INSIG1: variants seen among roughly 807,000 people sequenced by gnomAD.
INSIG1 encodes insulin induced gene 1.
INSIG1 carries 14 observed loss-of-function variants against 26.5 expected under a neutral mutation model. The observed-to-expected ratio is 0.53, with a 90% CI of 0.35 to 0.83. The LOEUF (loss-of-function observed/expected upper bound fraction) is 0.83. Among genes scored for constraint, INSIG1 ranks in the 40% least tolerant of loss-of-function variants. The pLI is 0.01. For synonymous variants in INSIG1, 147 were observed against 153.3 expected, an observed-to-expected ratio of 0.96 and a Z score of 0.30; for missense variants, 272 against 368.9, an observed-to-expected ratio of 0.74 and a Z score of 2.15.
chr7:155,298,246 C>T lies in INSIG1; in HGVS notation c.-27-13C>T. 1.4e-6 allele frequency: 2 copies of T among 1,445,430 alleles called. No individual in the cohort carries two copies. The highest frequency in any genetic ancestry group is 1.8e-6 in the Non-Finnish European group (2 of 1,101,712). The allele number at this position is 1,445,430 out of a possible 1,614,324, so 89.5% of individuals were successfully genotyped here. A position where few individuals can be genotyped will look rare whatever the true frequency, so the allele number is the denominator to read the frequency against. The stretch of plus-strand genomic sequence containing the variant: ...GTCTCTTCTGAGTGAACTTGATGAC[C>T]CCCTTCTTCCAGGAAGCGCCTCTTG... On this transcript the variant is annotated splice_polypyrimidine_tract_variant and intron_variant, in intron 1 of 5. Transcript: ENST00000340368.
intron 2 of INSIG1, among the ~76,000 whole-genome samples, chr7:155,300,957 T>G (rs1409775805): frequency 6.6e-6 from 1 of 152,226 alleles, no homozygotes; most frequent in Non-Finnish European, 1.5e-5. Context: ...CTTGCCCATG[T>G]GCATGTGTGC....
At position 155,302,170 on chromosome 7, in the gene INSIG1, CATGTTT is replaced by C. The variant is rs1585203562; in HGVS notation, c.538-80_538-75del. 7.0e-5 allele frequency: 74 copies of C among 1,056,810 alleles called. No homozygotes were observed. In the East Asian group the frequency reaches 1.9e-3, roughly 27 times the overall value. The allele number at this position is 1,056,810 out of a possible 1,614,324, so 65.5% of individuals were successfully genotyped here. A position where few individuals can be genotyped will look rare whatever the true frequency, so the allele number is the denominator to read the frequency against. On this transcript the variant is annotated intron_variant, in intron 3 of 5. Transcript: ENST00000340368. The surrounding 1 kb of genome is among the most constrained non-coding windows in gnomAD (Gnocchi z 4.3). Reference sequence around the variant, plus strand: ...ATCTGTGGTACAATAATAAAATACCCATGTTTTTAACCCTTGTGGTTTTACGTTTTT... The same window carrying C: ...ATCTGTGGTACAATAATAAAATACCCTTAACCCTTGTGGTTTTACGTTTTT...
intron 5 of INSIG1, among the ~76,000 whole-genome samples, chr7:155,304,887 C>T (rs1209621443): frequency 6.6e-6 from 1 of 151,512 alleles, no homozygotes; most frequent in Non-Finnish European, 1.5e-5. Context: ...CCTTTAATCC[C>T]AGCACTTTGG....
rs1797686298 is a variant in INSIG1, at chr7:155,298,401, A to G, written c.116A>G (p.Asn39Ser). Residue 39 changes from asparagine (N) to serine (S), a missense_variant, in exon 2 of 6, where the codon AAC (asparagine) becomes AGC (serine). Around this residue, in one of 2 missense-constraint regions of INSIG1, gnomAD observed 161 missense variants for 179.2 expected, o/e 0.90. Coordinates refer to ENST00000340368, the MANE Select transcript of INSIG1 (RefSeq NM_005542.6). The stretch of plus-strand genomic sequence containing the variant: ...GCGGCCAAGGTTGGGGAGATGATCA[A>G]CGTTTCCGTGTCCGGGCCCTCCCTG... ...GLAAKVGEMI[N>S]VSVSGPSLLA... The G allele has an allele frequency of 1.3e-6, 2 of 1,562,738 alleles. No homozygotes were observed. The highest frequency in any genetic ancestry group is 3.8e-5 in the Admixed American group (2 of 52,016).
chr7:155,298,826 C>T, intron 2 of INSIG1, 129 bp downstream of exon 2: 1 of 993,442 alleles, frequency 1.0e-6, no homozygotes, highest in African/African-American at 1.6e-5. Flanking sequence ...CATCTCCAGT[C>T]TTGGGATTTA....
chr7:155,304,919 C>T (rs1052255469), intron 5 of INSIG1, among the ~76,000 whole-genome samples: 7 of 148,732 alleles, frequency 4.7e-5, no homozygotes, highest in Middle Eastern at 3.5e-3. Context: ...GGGCGGATCA[C>T]GAGGTCAGGA....
rs1282103043 is a variant in INSIG1 at position 155,302,855 on chromosome 7, A to C, written c.804+9A>C. ...GACGACAGTTAGCTATGGTAAGTGA[A>C]ATGATCATATTATCTTCTAAAACTT... On this transcript the variant is annotated intron_variant, in intron 5 of 5. Coordinates refer to ENST00000340368, the MANE Select transcript of INSIG1 (RefSeq NM_005542.6). The surrounding 1 kb of genome is among the most constrained non-coding windows in gnomAD (Gnocchi z 4.3). 1 of 1,539,600 alleles carries C rather than the reference A, an allele frequency of 6.5e-7. No individual in the cohort carries two copies. The highest frequency in any genetic ancestry group is 1.1e-5 in the South Asian group (1 of 89,470).
At chr7:155,306,307 T>A (rs1797934272) in intron 5 of INSIG1, among the ~76,000 whole-genome samples, 1 of 152,222 alleles carries the variant, frequency 6.6e-6, no homozygotes, top group Non-Finnish European at 1.5e-5. Context: ...GCCCAGCCTG[T>A]ATGTTTAAAA....
intron 2 of INSIG1, among the ~76,000 whole-genome samples, chr7:155,299,596 A>G (rs1797730507): frequency 6.6e-6 from 1 of 152,216 alleles, no homozygotes; most frequent in African/African-American, 2.4e-5. Flanking sequence ...CCTATCCTTA[A>G]GCAGCTTAGA....
intron 5 of INSIG1, 184 bp downstream of exon 5, chr7:155,303,030 A>G (rs1797832109): frequency 2.0e-6 from 1 of 493,390 alleles, no homozygotes; most frequent in East Asian, 3.2e-5. Flanking sequence ...GCTAAATTAT[A>G]AAAATTCATA....
rs940000438 is a variant in INSIG1 at position 155,300,519 on chromosome 7, G to A, written c.413-1047G>A. On this transcript the variant is annotated intron_variant, in intron 2 of 5. Transcript: ENST00000340368. ...ATGTATATTTCTTTCATACTACACTGAGGTGAAACAATTGCAGGGTTCTCA... is the reference window on the plus strand; with the variant it reads ...ATGTATATTTCTTTCATACTACACTAAGGTGAAACAATTGCAGGGTTCTCA... Among the ~76,000 whole-genome samples, 153 of 152,082 alleles carry A rather than the reference G, an allele frequency of 1.0e-3. 16 individuals carry two copies.
intron 5 of INSIG1, among the ~76,000 whole-genome samples, chr7:155,305,538 C>CT (rs951332707): frequency 2.8e-4 from 43 of 152,302 alleles, no homozygotes; most frequent in African/African-American, 8.7e-4. Context: ...GGGATAGTGT[C>CT]TAAGAGCTAT....
chr7:155,307,361 T>C (rs1311273798), intron 5 of INSIG1, among the ~76,000 whole-genome samples: 1 of 152,202 alleles, frequency 6.6e-6, no homozygotes, highest in African/African-American at 2.4e-5. Context: ...GGAGCTCAGC[T>C]CCTTCCTCTT....
At chr7:155,304,996 A>AAT (rs1797898533) in intron 5 of INSIG1, among the ~76,000 whole-genome samples, 1 of 151,066 alleles carries the variant, frequency 6.6e-6, no homozygotes, top group Non-Finnish European at 1.5e-5. Flanking sequence ...AAAAAAAAAA[A>AAT]ATAGCCAGGC....
At chr7:155,300,842 A>G (rs762692156) in intron 2 of INSIG1, among the ~76,000 whole-genome samples, 1 of 152,154 alleles carries the variant, frequency 6.6e-6, no homozygotes, top group East Asian at 1.9e-4. Flanking sequence ...TTTGAGGCTG[A>G]GTTTTCTCTT....
At chr7:155,300,603 C>T (rs1797757344) in intron 2 of INSIG1, among the ~76,000 whole-genome samples, 1 of 152,118 alleles carries the variant, frequency 6.6e-6, no homozygotes, top group South Asian at 2.1e-4. Context: ...GGCCGGCACC[C>T]CACTCCCCCC....
At position 155,298,384 on chromosome 7, in the gene INSIG1, G is replaced by C; in HGVS notation, c.99G>C (p.Lys33Asn). The C allele has an allele frequency of 3.2e-6, 5 of 1,559,258 alleles. No homozygotes were observed. The highest frequency in any genetic ancestry group is 3.5e-6 in the Non-Finnish European group (4 of 1,154,390). Reference sequence around the variant, plus strand: ...CCAGCGCCGCGGGGCTGGCGGCCAAGGTTGGGGAGATGATCAACGTTTCCG... The same window carrying C: ...CCAGCGCCGCGGGGCTGGCGGCCAACGTTGGGGAGATGATCAACGTTTCCG... Reference protein sequence around the residue: ...PRASAAGLAAKVGEMINVSVS... With the variant: ...PRASAAGLAANVGEMINVSVS... Residue 33 changes from lysine (K) to asparagine (N), a missense_variant, in exon 2 of 6, where the codon AAG (lysine) becomes AAC (asparagine). By Grantham distance (94) the Lys-to-Asn change is moderately conservative. Transcript: ENST00000340368.
Position 155,301,853 on chromosome 7 carries a change from C to T in INSIG1, c.537+163C>T, listed in dbSNP as rs914550660. ...AAAAGAGAAAGAAGAATGGGGCTATCGATGACTTCATAGTAAAATATATTG... is the reference window on the plus strand; with the variant it reads ...AAAAGAGAAAGAAGAATGGGGCTATTGATGACTTCATAGTAAAATATATTG... On this transcript the variant is annotated intron_variant, in intron 3 of 5. Transcript: ENST00000340368. Among the ~76,000 whole-genome samples, 13 of 149,728 alleles carry T rather than the reference C, an allele frequency of 8.7e-5. No individual in the cohort carries two copies. In the East Asian group the frequency reaches 9.8e-4, roughly 11 times the overall value.
intron 5 of INSIG1, among the ~76,000 whole-genome samples, chr7:155,305,167 A>G (rs925279577): frequency 2.7e-5 from 4 of 149,098 alleles, no homozygotes; most frequent in Admixed American, 6.7e-5. Context: ...AAAAAACTGG[A>G]GAAGAGAGAT....
Sources: gnomAD v4.1 joint callset for allele counts (sites outside exome capture counted in the v4.1 genomes callset) on GRCh38, gnomAD v4.1.1 for gene constraint, gnomAD v4.1.1 regional missense constraint, Gnocchi (gnomAD v3.1) non-coding constraint, MANE v1.5 for transcripts, NCBI Gene and HGNC (gene_info 2026-07-23, HGNC 2026-07-21) for gene names.